The following PCDH15 variants were observed in gnomAD, a reference collection of about 807,000 sequenced individuals.
PCDH15 encodes protocadherin related 15.
PCDH15 carries 129 observed loss-of-function variants against 178.5 expected under a neutral mutation model. The ratio of observed to expected loss-of-function variants is 0.72; its 90% CI spans 0.63 to 0.84. The LOEUF (loss-of-function observed/expected upper bound fraction) is 0.84, where lower values mean the gene tolerates loss of function less well. Ranked by LOEUF, PCDH15 falls within the 40% of genes least tolerant of loss-of-function variation. The pLI is 0.00. For synonymous variants in PCDH15, 800 were observed against 732.0 expected, an observed-to-expected ratio of 1.09 and a Z score of -1.50; for missense variants, 2,230 against 2,099.9, an observed-to-expected ratio of 1.06 and a Z score of -1.21.
chr10:53,883,625 A>G (rs912480693), intron 26 of PCDH15, among the ~76,000 whole-genome samples: 1 of 152,210 alleles, frequency 6.6e-6, no homozygotes, highest in Non-Finnish European at 1.5e-5. Flanking sequence ...GTGAATACAT[A>G]CACATCTATA....
chr10:54,713,063 A>G (rs946060261), intron 1 of PCDH15, among the ~76,000 whole-genome samples: 1 of 152,094 alleles, frequency 6.6e-6, no homozygotes, highest in Non-Finnish European at 1.5e-5. Context: ...ATAAATCACT[A>G]GCTGCAAAAG....
chr10:55,193,887 A>G (rs1840009892), intron 1 of PCDH15, among the ~76,000 whole-genome samples: 1 of 151,902 alleles, frequency 6.6e-6, no homozygotes, highest in Non-Finnish European at 1.5e-5. Context: ...CAATTAGGTA[A>G]ACTATGGGTC....
At chr10:53,856,464 T>C (rs2078753079) in intron 28 of PCDH15, among the ~76,000 whole-genome samples, 1 of 152,064 alleles carries the variant, frequency 6.6e-6, no homozygotes, top group African/African-American at 2.4e-5. Flanking sequence ...TTAAAACATA[T>C]ATATTGCTTA....
chr10:53,944,087 T>C (rs924252840), intron 23 of PCDH15, among the ~76,000 whole-genome samples: 1 of 151,944 alleles, frequency 6.6e-6, no homozygotes. Context: ...CCAAATTGAA[T>C]AAAATGGGCT....
chr10:54,880,821 A>T (rs1954249261), intron 3 of PCDH15, among the ~76,000 whole-genome samples: 1 of 150,514 alleles, frequency 6.6e-6, no homozygotes, highest in Non-Finnish European at 1.5e-5. Flanking sequence ...ATAAAGGAAA[A>T]TTCTCAGTCT....
intron 3 of PCDH15, among the ~76,000 whole-genome samples, chr10:54,393,464 T>C (rs1950805766): frequency 6.6e-6 from 1 of 152,072 alleles, no homozygotes; most frequent in Non-Finnish European, 1.5e-5. Context: ...TAGTGAACAG[T>C]AAAAACTGAA....
intron 2 of PCDH15, among the ~76,000 whole-genome samples, chr10:55,477,753 C>T (rs938221738): frequency 1.3e-5 from 2 of 151,812 alleles, no homozygotes; most frequent in Non-Finnish European, 2.9e-5. Context: ...GTGCCTAGCA[C>T]CATGCTCAGG....
intron 18 of PCDH15, among the ~76,000 whole-genome samples, chr10:54,024,657 T>C (rs1232579654): frequency 1.3e-5 from 2 of 152,186 alleles, no homozygotes. Context: ...TGAGGTTTAA[T>C]TCTGAGAAAA....
chr10:55,209,775 GATTA>G (rs755096713), intron 1 of PCDH15, among the ~76,000 whole-genome samples: 8 of 152,046 alleles, frequency 5.3e-5, no homozygotes, highest in Non-Finnish European at 5.9e-5. Context: ...TAGTGTTTGA[GATTA>G]ATTAGTGAAA....
At chr10:54,663,094 C>T (rs16906376) in intron 2 of PCDH15, among the ~76,000 whole-genome samples, 9,844 of 151,800 alleles carry the variant, frequency 0.065, 392 homozygotes, top group East Asian at 0.14. Flanking sequence ...TTTGCAAATC[C>T]CAAAAGAAGT....
At chr10:53,845,737 A>G (rs933138115) in intron 28 of PCDH15, among the ~76,000 whole-genome samples, 8 of 151,756 alleles carry the variant, frequency 5.3e-5, no homozygotes, top group African/African-American at 1.9e-4. Context: ...AAAGATGGGG[A>G]TAATGATAAA....
At chr10:55,075,464 C>T (rs1054140191) in intron 2 of PCDH15, among the ~76,000 whole-genome samples, 36 of 149,572 alleles carry the variant, frequency 2.4e-4, no homozygotes, top group African/African-American at 8.8e-4. Flanking sequence ...CTCCCGGGTT[C>T]AAGCGATTCC....
intron 2 of PCDH15, among the ~76,000 whole-genome samples, chr10:55,517,840 A>G (rs1841057528): frequency 3.3e-5 from 5 of 151,850 alleles, no homozygotes; most frequent in African/African-American, 9.7e-5. Context: ...ACTGACAAAC[A>G]TTATCTTTTT....
chr10:54,473,416 G>A (rs1354108369), intron 3 of PCDH15, among the ~76,000 whole-genome samples: 1 of 152,054 alleles, frequency 6.6e-6, no homozygotes, highest in Non-Finnish European at 1.5e-5. Flanking sequence ...AAGAGTTGGA[G>A]AGAAAAAATT....
At chr10:54,744,879 A>G (rs1945260604) in intron 1 of PCDH15, among the ~76,000 whole-genome samples, 1 of 152,124 alleles carries the variant, frequency 6.6e-6, no homozygotes, top group South Asian at 2.1e-4. Context: ...GGAGCAGGAA[A>G]TGACAATTAC....
intron 2 of PCDH15, among the ~76,000 whole-genome samples, chr10:55,080,705 C>T (rs1281706888): frequency 6.6e-6 from 1 of 152,134 alleles, no homozygotes; most frequent in African/African-American, 2.4e-5. Flanking sequence ...CCCAGACAGG[C>T]AGCCCTCCAG....
Position 54,295,196 on chromosome 10 carries a change from T to C in PCDH15, c.876+22075A>G, listed in dbSNP as rs897259625. On this transcript the variant is annotated intron_variant, in intron 8 of 37. Transcript: ENST00000644397. ...TGGGGATTTGGAGAACTTTTGTGTCTAGCTAAAGGATTGTAAATGCACCAA... is the reference window on the plus strand; with the variant it reads ...TGGGGATTTGGAGAACTTTTGTGTCCAGCTAAAGGATTGTAAATGCACCAA... Among the ~76,000 whole-genome samples the C allele has an allele frequency of 2.0e-5, 3 of 152,188 alleles. No homozygotes were observed. In the East Asian group the frequency reaches 5.8e-4, roughly 29 times the overall value.
intron 2 of PCDH15, among the ~76,000 whole-genome samples, chr10:55,610,941 A>G (rs1843353635): frequency 6.6e-6 from 1 of 152,096 alleles, no homozygotes; most frequent in African/African-American, 2.4e-5. Context: ...CATGCAAGTT[A>G]CCAAAAGAGA....
chr10:53,809,356 A>C, intron 37 of PCDH15: 1 of 1,613,906 alleles, frequency 6.2e-7, no homozygotes, highest in Non-Finnish European at 8.5e-7. Context: ...TTCACCCTCA[A>C]GGTCAACGAT....
Sources: gnomAD v4.1 joint callset for allele counts (sites outside exome capture counted in the v4.1 genomes callset) on GRCh38, gnomAD v4.1.1 for gene constraint, MANE v1.5 for transcripts, NCBI Gene and HGNC (gene_info 2026-07-23, HGNC 2026-07-21) for gene names.